Variants in MACROH2A2 observed in about 807,000 individuals in gnomAD.
MACROH2A2 encodes macroH2A.2 histone, also known as core histone macro-H2A.2.
A neutral mutation model predicts 37.6 loss-of-function variants in MACROH2A2; 6 were observed. That is an observed-to-expected ratio of 0.16 (90% CI 0.09 to 0.32). MACROH2A2 has a LOEUF of 0.32. Ranked by LOEUF, MACROH2A2 falls within the 10% of genes least tolerant of loss-of-function variation. MACROH2A2 has a pLI of 1.00. For missense variants in MACROH2A2, 290 were observed against 485.9 expected, an observed-to-expected ratio of 0.60 and a Z score of 3.79; for synonymous variants, 192 against 202.7, an observed-to-expected ratio of 0.95 and a Z score of 0.45.
chr10:70,055,255 C>T (rs1054458478), intron 1 of MACROH2A2, among the ~76,000 whole-genome samples: 8 of 152,174 alleles, frequency 5.3e-5, no homozygotes, highest in African/African-American at 1.9e-4. Context: ...AAAATTCAGC[C>T]AACTTTCTTA....
chr10:70,104,389 G>T lies in MACROH2A2; in HGVS notation c.778+4092G>T, dbSNP rs374586106. On this transcript the variant is annotated intron_variant, in intron 7 of 8. Coordinates refer to ENST00000373255, the MANE Select transcript of MACROH2A2 (RefSeq NM_018649.3). ...AAAAAAAAAAAAAAGCCTCACTAAA[G>T]AATTTGGCCAGGCATGGTGGCTCAC... is the stretch of plus-strand genomic sequence containing the variant. Among the ~76,000 whole-genome samples, 18 of 148,464 alleles carry T rather than the reference G, an allele frequency of 1.2e-4. 1 individual carries two copies. The highest frequency in any genetic ancestry group is 4.4e-4 in the African/African-American group (18 of 40,788).
intron 7 of MACROH2A2, among the ~76,000 whole-genome samples, chr10:70,105,472 T>C (rs187756362): frequency 3.3e-4 from 50 of 152,186 alleles, no homozygotes; most frequent in African/African-American, 1.2e-3. Context: ...CAGACCCATG[T>C]GTGCAGGGGA....
chr10:70,083,470 A>G lies in MACROH2A2; in HGVS notation c.173-6590A>G, dbSNP rs55916813. On this transcript the variant is annotated intron_variant, in intron 2 of 8. Transcript: ENST00000373255. ...TCAGTAGGCTTCCCCTGGCCAGTCT[A>G]CTGCTCCTGTCAGGTTTATGTCTGT... is the stretch of plus-strand genomic sequence containing the variant. Among the ~76,000 whole-genome samples, 1,339 of 152,138 alleles carry G rather than the reference A, an allele frequency of 8.8e-3. 21 individuals carry two copies. The highest frequency in any genetic ancestry group is 0.03 in the African/African-American group (1,263 of 41,488).
At chr10:70,059,841 G>A (rs2072040975) in intron 1 of MACROH2A2, among the ~76,000 whole-genome samples, 1 of 152,114 alleles carries the variant, frequency 6.6e-6, no homozygotes, top group Non-Finnish European at 1.5e-5. Context: ...ACCCACAGAG[G>A]GGATGGTGTG....
rs2072345078 is a variant in MACROH2A2, at chr10:70,107,473, CAG to C, written c.779-1559_779-1558del. Among the ~76,000 whole-genome samples the C allele has an allele frequency of 6.6e-6, 1 of 152,174 alleles. No homozygotes were observed. On this transcript the variant is annotated intron_variant, in intron 7 of 8. Coordinates refer to ENST00000373255, the MANE Select transcript of MACROH2A2 (RefSeq NM_018649.3). This position sits in a 1 kb window ranked among gnomAD's most constrained non-coding sequence, Gnocchi z 4.4. ...CGATTCCTGGGTTCCTGGAGGGGCA[CAG>C]GGCGCAGACGGGCAGCGTGGGGGCA...
chr10:70,101,573 G>A (rs1002462384), intron 7 of MACROH2A2, among the ~76,000 whole-genome samples: 4 of 152,140 alleles, frequency 2.6e-5, no homozygotes, highest in African/African-American at 7.2e-5. Context: ...TTTACATTAC[G>A]TCAGACATGC....
intron 1 of MACROH2A2, among the ~76,000 whole-genome samples, chr10:70,074,840 A>C (rs1423956201): frequency 1.3e-5 from 2 of 152,218 alleles, no homozygotes; most frequent in Non-Finnish European, 2.9e-5. Flanking sequence ...TAAATTACCC[A>C]GTCTTGGATA....
At position 70,111,715 on chromosome 10, in the gene MACROH2A2, G is replaced by A. The variant is rs764307554; in HGVS notation, c.*32G>A. On this transcript the variant is annotated 3_prime_UTR_variant, in exon 9 of 9. Transcript: ENST00000373255. ...CACTTTCCAGCAGGGATCGGAGGAC[G>A]ACCCGAGTCCCAAGAGTGGGGTTTT... 1.8e-5 allele frequency: 28 copies of A among 1,546,318 alleles called. No homozygotes were observed. Among genetic ancestry groups the A allele is most frequent in the Admixed American group, 3.7e-5 (2 of 54,494 alleles).
At chr10:70,099,160 C>T (rs1589839760) in intron 6 of MACROH2A2, 2 of 152,320 alleles carry the variant, frequency 1.3e-5, no homozygotes, top group Non-Finnish European at 2.9e-5. Flanking sequence ...TGCACAATCA[C>T]CATTTCTCAG....
At chr10:70,058,636 TTA>T (rs35874210) in intron 1 of MACROH2A2, among the ~76,000 whole-genome samples, 32,911 of 149,762 alleles carry the variant, frequency 0.22, 3,765 homozygotes, top group Admixed American at 0.32. Context: ...ACTGCCAATT[TTA>T]TATATATATA....
rs754626817 is a variant in MACROH2A2 at position 70,109,079 on chromosome 10, C to T, written c.825C>T (p.His275=). 3 of 1,614,188 alleles carry T rather than the reference C, an allele frequency of 1.9e-6. No homozygotes were observed. In the Admixed American group the frequency reaches 5.0e-5, roughly 27 times the overall value. The change falls in exon 8 of 9, where the codon CAC becomes CAT. Residue 275 remains histidine, a synonymous_variant. Coordinates refer to ENST00000373255, the MANE Select transcript of MACROH2A2 (RefSeq NM_018649.3). ...GACTCGCAGCCAAATTTGTCATCCA[C>T]TGTCACATCCCTCAGTGGGGCTCCG... ...SSGLAAKFVI[H]CHIPQWGSDK... is the part of the protein sequence containing the mutation.
At chr10:70,054,314 G>A (rs1490288005) in intron 1 of MACROH2A2, among the ~76,000 whole-genome samples, 1 of 152,184 alleles carries the variant, frequency 6.6e-6, no homozygotes, top group South Asian at 2.1e-4. Context: ...GATGGGAACC[G>A]TGGCTCCGCT....
Position 70,075,954 on chromosome 10 carries a change from G to A in MACROH2A2, c.172+124G>A, listed in dbSNP as rs1004247289. The A allele has an allele frequency of 4.0e-6, 3 of 753,586 alleles. No homozygotes were observed. Among genetic ancestry groups the A allele is most frequent in the East Asian group, 5.4e-5 (2 of 37,106 alleles). The allele number at this position is 753,586 out of a possible 1,614,324, so 46.7% of individuals were successfully genotyped here. On this transcript the variant is annotated intron_variant, in intron 2 of 8. Transcript: ENST00000373255. The surrounding 1 kb of genome is among the most constrained non-coding windows in gnomAD (Gnocchi z 5.0). ...GGCTGGCTCAAGGCTACTGTGGGTGGTGACAGGGTTGCAACTGGCCTGCTT... is the reference window on the plus strand; with the variant it reads ...GGCTGGCTCAAGGCTACTGTGGGTGATGACAGGGTTGCAACTGGCCTGCTT...
At chr10:70,057,094 T>G (rs1451650274) in intron 1 of MACROH2A2, among the ~76,000 whole-genome samples, 1 of 152,166 alleles carries the variant, frequency 6.6e-6, no homozygotes, top group Non-Finnish European at 1.5e-5. Flanking sequence ...AAGAGACCTT[T>G]TGAAACAAAA....
intron 1 of MACROH2A2, among the ~76,000 whole-genome samples, chr10:70,069,047 C>T (rs1480744613): frequency 6.6e-6 from 1 of 152,154 alleles, no homozygotes; most frequent in African/African-American, 2.4e-5. Flanking sequence ...AATAAAAGTG[C>T]ATCATAAAAT....
chr10:70,072,646 G>T (rs901957163), intron 1 of MACROH2A2, among the ~76,000 whole-genome samples: 1 of 152,180 alleles, frequency 6.6e-6, no homozygotes. Flanking sequence ...GTAAGGCATT[G>T]TGCTACACCG....
intron 3 of MACROH2A2, among the ~76,000 whole-genome samples, chr10:70,090,601 G>A (rs1224677001): frequency 6.6e-6 from 1 of 152,210 alleles, no homozygotes; most frequent in African/African-American, 2.4e-5. Flanking sequence ...TATATGTAAG[G>A]TGGTAGGTAA....
chr10:70,096,453 G>A (rs1345571000), intron 6 of MACROH2A2, among the ~76,000 whole-genome samples: 1 of 152,124 alleles, frequency 6.6e-6, no homozygotes, highest in Non-Finnish European at 1.5e-5. Flanking sequence ...AAAGGGAAAT[G>A]GACATCTAGA....
Position 70,053,945 on chromosome 10 carries a change from ACCAGCCCTGCCTCCCCCGGCTC to A in MACROH2A2, c.-60+952_-60+973del, listed in dbSNP as rs1432599587. ...CGCTCGCGGGGCGCGGCGGTTGGGG[ACCAGCCCTGCCTCCCCCGGCTC>A]CCAGCCTCCAGCCCCGGCGCACCTC... is the stretch of plus-strand genomic sequence containing the variant. On this transcript the variant is annotated intron_variant, in intron 1 of 8. Transcript: ENST00000373255. This position sits in a 1 kb window ranked among gnomAD's most constrained non-coding sequence, Gnocchi z 4.8. Among the ~76,000 whole-genome samples the A allele has an allele frequency of 4.6e-5, 7 of 152,118 alleles. No homozygotes were observed. The highest frequency in any genetic ancestry group is 1.3e-4 in the Admixed American group (2 of 15,288).
Sources: allele counts gnomAD v4.1 joint callset (sites outside exome capture counted in the v4.1 genomes callset), GRCh38; gene constraint gnomAD v4.1.1; non-coding constraint Gnocchi (gnomAD v3.1); transcripts MANE v1.5; gene names NCBI Gene and HGNC (gene_info 2026-07-23, HGNC 2026-07-21).